AGTR1: variants seen among roughly 807,000 people sequenced by gnomAD.
AGTR1 encodes the protein angiotensin II receptor type 1.
In AGTR1, 16 loss-of-function variants were observed where a neutral mutation model predicts 19.4. The observed-to-expected ratio is 0.82, with a 90% CI of 0.56 to 1.25. AGTR1 has a LOEUF of 1.25. Ranked by LOEUF, AGTR1 falls within the 50% of genes most tolerant of loss-of-function variation. AGTR1 has a pLI of 0.00. For missense variants in AGTR1, 373 were observed against 431.9 expected, an observed-to-expected ratio of 0.86 and a Z score of 1.21; for synonymous variants, 153 against 154.9, an observed-to-expected ratio of 0.99 and a Z score of 0.09.
At chr3:148,715,875 C>G (rs1410376471) in intron 2 of AGTR1, among the ~76,000 whole-genome samples, 3 of 152,006 alleles carry the variant, frequency 2.0e-5, no homozygotes, top group Non-Finnish European at 4.4e-5. Context: ...GAACCTGTGA[C>G]TATATTAATT....
At position 148,701,569 on chromosome 3, in the gene AGTR1, TCTAA is replaced by T. The variant is rs531659221; in HGVS notation, c.-132+3445_-132+3448del. 2.7e-4 allele frequency among the ~76,000 whole-genome samples: 41 copies of T among 152,360 alleles called. 1 individual carries two copies. In the South Asian group the frequency reaches 5.8e-3, roughly 22 times the overall value. Reference sequence around the variant, plus strand: ...GTTTGTTTCTTCGATAGGTGCATTCTCTAACTGTCTTAAGTAGAAACAAATGTCT... The same window carrying T: ...GTTTGTTTCTTCGATAGGTGCATTCTCTGTCTTAAGTAGAAACAAATGTCT... On this transcript the variant is annotated intron_variant, in intron 1 of 2. Transcript: ENST00000349243.
rs1038081292 is a variant in AGTR1 at position 148,741,542 on chromosome 3, A to G, written c.507A>G (p.Val169=). The G allele has an allele frequency of 1.9e-6, 3 of 1,614,056 alleles. No homozygotes were observed. Among genetic ancestry groups the G allele is most frequent in the Admixed American group, 1.7e-5 (1 of 60,014 alleles). Residue 169 remains valine, a synonymous_variant, in exon 3 of 3, where the codon GTA becomes GTG. Coordinates refer to ENST00000349243, the MANE Select transcript of AGTR1 (RefSeq NM_000685.5). ...ASLPAIIHRN[V]FFIENTNITV... ...TGCCAGCTATAATCCATCGAAATGT[A>G]TTTTTCATTGAGAACACCAATATTA...
chr3:148,730,088 G>C, intron 2 of AGTR1: 1 of 394,830 alleles, frequency 2.5e-6, no homozygotes, highest in Non-Finnish European at 4.5e-6. Flanking sequence ...CTCATTCGGT[G>C]TTTCCAACAA....
chr3:148,720,049 T>C (rs759350793), intron 2 of AGTR1, among the ~76,000 whole-genome samples: 12 of 152,246 alleles, frequency 7.9e-5, no homozygotes, highest in Admixed American at 1.3e-4. Flanking sequence ...ATTTTAAAAA[T>C]AGATTCAGTG....
At chr3:148,730,546 ATGT>A (rs1714196530) in intron 2 of AGTR1, 2 of 225,960 alleles carry the variant, frequency 8.9e-6, no homozygotes, top group Admixed American at 1.1e-4. Flanking sequence ...TGCTTCATAA[ATGT>A]TAAATGAAAA....
intron 2 of AGTR1, among the ~76,000 whole-genome samples, chr3:148,711,674 A>G (rs1712991484): frequency 6.6e-6 from 1 of 152,210 alleles, no homozygotes; most frequent in Non-Finnish European, 1.5e-5. Flanking sequence ...ATACAGCCAG[A>G]TGTGCTTAGC....
At position 148,740,902 on chromosome 3, in the gene AGTR1, C is replaced by T. The variant is rs187787586; in HGVS notation, c.-47-87C>T. On this transcript the variant is annotated intron_variant, in intron 2 of 2. Transcript: ENST00000349243. ...TCCTAAGACTAAAGTTGAGTTACTA[C>T]GTTTATGACTGAGAAATGAATGTTT... 3.0e-3 allele frequency: 3,746 copies of T among 1,235,834 alleles called. 8 individuals are homozygous for T. Among genetic ancestry groups the T allele is most frequent in the Non-Finnish European group, 3.8e-3 (3,428 of 895,066 alleles). The allele number at this position is 1,235,834 out of a possible 1,614,324, so 76.6% of individuals were successfully genotyped here.
At chr3:148,707,069 G>C (rs1712709044) in intron 1 of AGTR1, among the ~76,000 whole-genome samples, 1 of 152,022 alleles carries the variant, frequency 6.6e-6, no homozygotes, top group Admixed American at 6.6e-5. Flanking sequence ...ATTAATAGCA[G>C]ACTGGTTAAA....
chr3:148,722,151 G>C (rs941541649), intron 2 of AGTR1, among the ~76,000 whole-genome samples: 8 of 152,032 alleles, frequency 5.3e-5, no homozygotes, highest in Admixed American at 2.0e-4. Flanking sequence ...AAAATCACCA[G>C]GCATGCGAAG....
intron 2 of AGTR1, among the ~76,000 whole-genome samples, chr3:148,709,784 T>C (rs1253797605): frequency 6.6e-6 from 1 of 152,172 alleles, no homozygotes; most frequent in Admixed American, 6.6e-5. Context: ...CTCTTATTGA[T>C]TTAAACTAGT....
chr3:148,740,903 GT>G, intron 2 of AGTR1, 85 bp from the exon 3 acceptor site: 1 of 1,264,998 alleles, frequency 7.9e-7, no homozygotes, highest in Non-Finnish European at 1.1e-6. Context: ...GAGTTACTAC[GT>G]TTATGACTGA....
rs1713326846 is a variant in AGTR1 at position 148,716,795 on chromosome 3, A to T, written c.-48+8768A>T. Among the ~76,000 whole-genome samples the T allele has an allele frequency of 6.6e-6, 1 of 152,150 alleles. No individual in the cohort carries two copies. Among genetic ancestry groups the T allele is most frequent in the Admixed American group, 6.6e-5 (1 of 15,264 alleles). ...TTCTTTGAGTTCTCTGAATTTGAAT[A>T]GTTTCTTAACCTTAGTTTTTTAACT... On this transcript the variant is annotated intron_variant, in intron 2 of 2. Coordinates refer to ENST00000349243, the MANE Select transcript of AGTR1 (RefSeq NM_000685.5). This position sits in a 1 kb window ranked among gnomAD's most constrained non-coding sequence, Gnocchi z 4.7.
At chr3:148,735,240 A>G (rs1253231960) in intron 2 of AGTR1, among the ~76,000 whole-genome samples, 1 of 152,232 alleles carries the variant, frequency 6.6e-6, no homozygotes, top group Non-Finnish European at 1.5e-5. Flanking sequence ...TCAGAGTGGT[A>G]TAGTTACTAA....
chr3:148,728,791 G>T (rs1004441177), intron 2 of AGTR1, among the ~76,000 whole-genome samples: 5 of 152,208 alleles, frequency 3.3e-5, no homozygotes, highest in African/African-American at 1.2e-4. Flanking sequence ...AAGTGACCAT[G>T]ATCTTCAGCT....
At chr3:148,707,289 T>A (rs192350326) in intron 1 of AGTR1, among the ~76,000 whole-genome samples, 10 of 152,240 alleles carry the variant, frequency 6.6e-5, no homozygotes, top group Admixed American at 6.5e-4. Context: ...TATACATATT[T>A]ATATGCATGT....
intron 1 of AGTR1, among the ~76,000 whole-genome samples, chr3:148,703,703 T>C (rs1712486954): frequency 6.6e-6 from 1 of 152,216 alleles, no homozygotes; most frequent in Admixed American, 6.5e-5. Context: ...TCATTGCCTG[T>C]TCTCTTAGCT....
chr3:148,710,668 T>G (rs971818179), intron 2 of AGTR1, among the ~76,000 whole-genome samples: 2 of 152,214 alleles, frequency 1.3e-5, no homozygotes, highest in African/African-American at 4.8e-5. Flanking sequence ...TCTTATTTTA[T>G]TTTTTAATAA....
Position 148,741,413 on chromosome 3 carries a change from A to C in AGTR1, c.378A>C (p.Arg126=). ...VFLLTCLSID[R]YLAIVHPMKS... ...TACTCACGTGTCTCAGCATTGATCG[A>C]TACCTGGCTATTGTTCACCCAATGA... The change falls in exon 3 of 3, where the codon CGA becomes CGC. Residue 126 remains arginine, a synonymous_variant. Coordinates refer to ENST00000349243, the MANE Select transcript of AGTR1 (RefSeq NM_000685.5). The C allele has an allele frequency of 3.1e-6, 5 of 1,605,000 alleles. No homozygotes were observed. The highest frequency in any genetic ancestry group is 4.2e-6 in the Non-Finnish European group (5 of 1,178,938).
At chr3:148,705,818 G>C (rs1298234417) in intron 1 of AGTR1, among the ~76,000 whole-genome samples, 5 of 151,958 alleles carry the variant, frequency 3.3e-5, no homozygotes, top group Non-Finnish European at 4.4e-5. Flanking sequence ...GTGATCCCAT[G>C]TATGTGTATA....
Sources: allele counts gnomAD v4.1 joint callset (sites outside exome capture counted in the v4.1 genomes callset), GRCh38; gene constraint gnomAD v4.1.1; non-coding constraint Gnocchi (gnomAD v3.1); transcripts MANE v1.5; gene names NCBI Gene and HGNC (gene_info 2026-07-23, HGNC 2026-07-21).